GRID2: variants seen among roughly 807,000 people sequenced by gnomAD.
The protein encoded by GRID2 is glutamate receptor ionotropic, delta-2.
In GRID2, 33 loss-of-function variants were observed where a neutral mutation model predicts 114.8. That is an observed-to-expected ratio of 0.29 (90% CI 0.22 to 0.38). The LOEUF (loss-of-function observed/expected upper bound fraction) is 0.38. Among genes scored for constraint, GRID2 ranks in the 10% least tolerant of loss-of-function variants. The pLI is 1.00. For synonymous variants in GRID2, 505 were observed against 449.9 expected (o/e 1.12, Z -1.55); for missense variants, 1,184 against 1,257.7 (o/e 0.94, Z 0.89).
intron 8 of GRID2, among the ~76,000 whole-genome samples, chr4:93,239,043 C>T (rs996611310): frequency 2.7e-5 from 4 of 150,300 alleles, no homozygotes; most frequent in African/African-American, 9.7e-5. Context: ...AATACTGGGA[C>T]AATAACTTTC....
chr4:93,758,178 G>T (rs1214847080), intron 14 of GRID2, among the ~76,000 whole-genome samples: 1 of 152,016 alleles, frequency 6.6e-6, no homozygotes, highest in East Asian at 1.9e-4. Context: ...CTGTAATAAT[G>T]CTAAATACAA....
At chr4:93,785,998 T>A (rs1428672726) in intron 1 of GRID2, among the ~76,000 whole-genome samples, 2 of 152,130 alleles carry the variant, frequency 1.3e-5, no homozygotes, top group African/African-American at 4.8e-5. Flanking sequence ...CTGTGGAGGA[T>A]CAACATTTGA....
chr4:93,579,031 C>T (rs1250418160), intron 13 of GRID2, among the ~76,000 whole-genome samples: 1 of 152,198 alleles, frequency 6.6e-6, no homozygotes, highest in East Asian at 1.9e-4. Flanking sequence ...TGTCTTTCCA[C>T]TAGCATAGTG....
At chr4:92,309,937 G>A (rs191632385) in intron 1 of GRID2, among the ~76,000 whole-genome samples, 1 of 151,912 alleles carries the variant, frequency 6.6e-6, no homozygotes, top group African/African-American at 2.4e-5. Flanking sequence ...TTACCTATGG[G>A]ATACTTGAGG....
At chr4:93,157,624 A>G (rs1032729462) in intron 4 of GRID2, among the ~76,000 whole-genome samples, 2 of 151,752 alleles carry the variant, frequency 1.3e-5, no homozygotes, top group Non-Finnish European at 3.0e-5. Context: ...TATCAATACT[A>G]TCTACTCTTT....
chr4:93,614,787 T>C (rs1741421511), intron 13 of GRID2, among the ~76,000 whole-genome samples: 1 of 152,190 alleles, frequency 6.6e-6, no homozygotes, highest in African/African-American at 2.4e-5. Context: ...ATTTAAGACA[T>C]ATAAGTGTGA....
At chr4:93,589,004 C>G (rs1176369937) in intron 13 of GRID2, among the ~76,000 whole-genome samples, 2 of 151,566 alleles carry the variant, frequency 1.3e-5, no homozygotes, top group Admixed American at 1.3e-4. Flanking sequence ...TAGAATTCAA[C>G]AACGTTCATG....
intron 1 of GRID2, among the ~76,000 whole-genome samples, chr4:92,535,982 G>A (rs1725602703): frequency 6.6e-6 from 1 of 152,134 alleles, no homozygotes; most frequent in African/African-American, 2.4e-5. Flanking sequence ...CCTTCGTGGT[G>A]AGTGTTATAG....
chr4:92,382,421 A>G (rs769552328), intron 1 of GRID2, among the ~76,000 whole-genome samples: 6 of 152,026 alleles, frequency 3.9e-5, no homozygotes, highest in African/African-American at 9.7e-5. Flanking sequence ...TTGTGCTGTC[A>G]GTAAGCCTGA....
chr4:93,234,646 C>CT (rs35406159), intron 7 of GRID2, among the ~76,000 whole-genome samples: 65,727 of 142,204 alleles, frequency 0.46, 15,913 homozygotes, highest in Middle Eastern at 0.66. Flanking sequence ...TTGTCGTCCT[C>CT]TTTTTTTTTT....
At chr4:92,657,308 C>G (rs112844149) in intron 2 of GRID2, among the ~76,000 whole-genome samples, 1,897 of 151,568 alleles carry the variant, frequency 0.013, 36 homozygotes, top group African/African-American at 0.042. Context: ...ACTTTACTTT[C>G]TTTATTATTT....
At chr4:92,962,386 A>C (rs1198809190) in intron 2 of GRID2, among the ~76,000 whole-genome samples, 1 of 151,776 alleles carries the variant, frequency 6.6e-6, no homozygotes. Flanking sequence ...CTGGACTGCA[A>C]CCTTCACAAG....
chr4:92,861,392 A>G (rs990891019), intron 2 of GRID2, among the ~76,000 whole-genome samples: 4 of 152,084 alleles, frequency 2.6e-5, no homozygotes, highest in Admixed American at 2.6e-4. Flanking sequence ...TACGCAGGGG[A>G]CACGCACACT....
At chr4:92,587,086 A>G (rs1352225513) in intron 1 of GRID2, among the ~76,000 whole-genome samples, 2 of 140,950 alleles carry the variant, frequency 1.4e-5, no homozygotes, top group Non-Finnish European at 3.0e-5. Context: ...TATAGAGAGT[A>G]CTGATGAAAT....
chr4:93,287,374 A>C (rs1251043451), intron 8 of GRID2, among the ~76,000 whole-genome samples: 1 of 152,190 alleles, frequency 6.6e-6, no homozygotes, highest in East Asian at 1.9e-4. Context: ...TGGGAGCCTC[A>C]CTTTAGGCAG....
intron 2 of GRID2, among the ~76,000 whole-genome samples, chr4:92,963,327 T>G (rs1321603138): frequency 6.6e-6 from 1 of 152,082 alleles, no homozygotes; most frequent in Non-Finnish European, 1.5e-5. Flanking sequence ...ATGGTAGAAC[T>G]TCTTTCAAAA....
intron 14 of GRID2, among the ~76,000 whole-genome samples, chr4:93,668,270 T>G (rs1724113279): frequency 6.6e-6 from 1 of 152,076 alleles, no homozygotes; most frequent in Non-Finnish European, 1.5e-5. Context: ...TTTAATGTGC[T>G]TTAAGACTAT....
intron 1 of GRID2, among the ~76,000 whole-genome samples, chr4:92,567,099 C>G (rs1560715556): frequency 6.6e-6 from 1 of 151,944 alleles, no homozygotes; most frequent in Non-Finnish European, 1.5e-5. Context: ...CTTGCAAAAA[C>G]AAGTATTACA....
At chr4:92,515,732 C>T (rs1478109853) in intron 1 of GRID2, among the ~76,000 whole-genome samples, 1 of 151,846 alleles carries the variant, frequency 6.6e-6, no homozygotes, top group East Asian at 1.9e-4. Context: ...TTATTGAGTA[C>T]CTACTAACGG....
Sources: allele counts gnomAD v4.1 joint callset (sites outside exome capture counted in the v4.1 genomes callset), GRCh38; gene constraint gnomAD v4.1.1; transcripts MANE v1.5; gene names NCBI Gene and HGNC (gene_info 2026-07-23, HGNC 2026-07-21).